Variants in LATS1 observed in about 807,000 individuals in gnomAD.
The protein encoded by LATS1 is large tumor suppressor kinase 1.
In LATS1, 25 loss-of-function variants were observed where a neutral mutation model predicts 106.6. That is an observed-to-expected ratio of 0.23 (90% confidence interval 0.17 to 0.33). LATS1 has a LOEUF of 0.33. Among genes scored for constraint, LATS1 ranks in the 10% least tolerant of loss-of-function variants. The pLI, the probability that LATS1 is intolerant of heterozygous loss-of-function variation, is 1.00. For synonymous variants in LATS1, 465 were observed against 455.6 expected (o/e 1.02, Z -0.26); for missense variants, 1,040 against 1,382.6 (o/e 0.75, Z 3.93).
chr6:149,661,355 A>G lies in LATS1; in HGVS notation c.*374T>C, dbSNP rs576061369. 1 of 239,014 alleles carries G rather than the reference A, an allele frequency of 4.2e-6. No individual in the cohort carries two copies. Among genetic ancestry groups the G allele is most frequent in the East Asian group, 6.1e-5 (1 of 16,504 alleles). 14.8% of individuals were successfully genotyped at this position (239,014 alleles called of 1,614,324 possible). A position where few individuals can be genotyped will look rare whatever the true frequency, so the allele number is the denominator to read the frequency against. On this transcript the variant is annotated 3_prime_UTR_variant, in exon 8 of 8. Transcript: ENST00000543571. ...TATTTGGTTAAAGCAAGATAAAACT[A>G]AAACTGTCTTTCAAAAAAATTTCAA...
chr6:149,692,572 C>G lies in LATS1; in HGVS notation c.496+2502G>C, dbSNP rs76346112. Among the ~76,000 whole-genome samples the G allele has an allele frequency of 5.1e-3, 775 of 152,210 alleles. 7 individuals are homozygous for G. The highest frequency in any genetic ancestry group is 7.5e-3 in the Non-Finnish European group (512 of 68,016). ...CTCCACAAAAGGGCAAGAACTTACC[C>G]AATGCAGAACAAAGAGCCTGAAACA... On this transcript the variant is annotated intron_variant, in intron 3 of 7. Coordinates refer to ENST00000543571, the MANE Select transcript of LATS1 (RefSeq NM_004690.4).
intron 1 of LATS1, among the ~76,000 whole-genome samples, chr6:149,717,052 G>A (rs1003862212): frequency 2.0e-5 from 3 of 152,144 alleles, no homozygotes; most frequent in Non-Finnish European, 4.4e-5. Context: ...CAAAACTGGA[G>A]TTATACAATA....
chr6:149,672,795 A>G (rs1318731187), intron 7 of LATS1, among the ~76,000 whole-genome samples: 1 of 151,848 alleles, frequency 6.6e-6, no homozygotes, highest in African/African-American at 2.4e-5. Flanking sequence ...AAAATACAAA[A>G]TTAACTGGGA....
chr6:149,702,479 G>T, intron 1 of LATS1: 3 of 171,046 alleles, frequency 1.8e-5, no homozygotes, highest in Non-Finnish European at 3.6e-5. Context: ...TAGCTATGAT[G>T]ATTTAAAAAA....
chr6:149,692,367 C>G (rs1261204430), intron 3 of LATS1, among the ~76,000 whole-genome samples: 1 of 152,114 alleles, frequency 6.6e-6, no homozygotes, highest in Non-Finnish European at 1.5e-5. Context: ...CTTCAGATAT[C>G]AGCTTTATTA....
At chr6:149,706,437 G>A (rs780616226) in intron 1 of LATS1, among the ~76,000 whole-genome samples, 120 of 151,864 alleles carry the variant, frequency 7.9e-4, no homozygotes, top group Non-Finnish European at 1.6e-3. Context: ...TTGAGCCCAG[G>A]AGGTAGAGGC....
chr6:149,666,623 CAAAA>C (rs60169424), intron 7 of LATS1, among the ~76,000 whole-genome samples: 1 of 127,700 alleles, frequency 7.8e-6, no homozygotes, highest in Admixed American at 8.3e-5. Flanking sequence ...GACTCTGTCT[CAAAA>C]AAAAAAAAAA....
chr6:149,677,653 G>C (rs188929064), intron 5 of LATS1, among the ~76,000 whole-genome samples: 12 of 152,256 alleles, frequency 7.9e-5, no homozygotes, highest in Non-Finnish European at 1.3e-4. Context: ...TCAGAGAAAG[G>C]CCATTTCTGG....
At chr6:149,686,427 G>A (rs942655932) in intron 3 of LATS1, among the ~76,000 whole-genome samples, 14 of 152,014 alleles carry the variant, frequency 9.2e-5, no homozygotes, top group African/African-American at 2.9e-4. Context: ...GTTGTTCTGC[G>A]CCTCCCACAG....
intron 1 of LATS1, among the ~76,000 whole-genome samples, chr6:149,714,096 G>A (rs996847999): frequency 1.3e-5 from 2 of 150,576 alleles, no homozygotes; most frequent in African/African-American, 2.4e-5. Context: ...CTCAGCCTCC[G>A]GAGTAGCTGG....
At chr6:149,679,485 G>T (rs1389584690) in intron 5 of LATS1, among the ~76,000 whole-genome samples, 1 of 149,956 alleles carries the variant, frequency 6.7e-6, no homozygotes, top group Non-Finnish European at 1.5e-5. Flanking sequence ...CCAGGAGGGG[G>T]ATATTGCAGT....
chr6:149,712,135 T>C (rs188853434), intron 1 of LATS1, among the ~76,000 whole-genome samples: 1 of 152,316 alleles, frequency 6.6e-6, no homozygotes, highest in Admixed American at 6.5e-5. Flanking sequence ...CCCAATTTCT[T>C]AGCAAAAGAA....
In LATS1 at chr6:149,660,232, C is replaced by T. The variant is rs1032065051; in HGVS notation, c.*1497G>A. 21 of 232,624 alleles carry T rather than the reference C, an allele frequency of 9.0e-5. No individual in the cohort carries two copies. Among genetic ancestry groups the T allele is most frequent in the Middle Eastern group, 1.2e-3 (1 of 806 alleles). 14.4% of individuals were successfully genotyped at this position (232,624 alleles called of 1,614,324 possible). A position where few individuals can be genotyped will look rare whatever the true frequency, so the allele number is the denominator to read the frequency against. On this transcript the variant is annotated 3_prime_UTR_variant, in exon 8 of 8. Transcript: ENST00000543571. ...AGAACCACTAACCCCAAAAGACGCA[C>T]GATAACACAGTAGTGGGTTTTCAGG...
intron 2 of LATS1, among the ~76,000 whole-genome samples, chr6:149,695,970 T>A (rs1340131532): frequency 6.6e-6 from 1 of 151,818 alleles, no homozygotes; most frequent in East Asian, 2.0e-4. Flanking sequence ...AATGGTGCGA[T>A]CTTGGCTCAC....
intron 7 of LATS1, among the ~76,000 whole-genome samples, chr6:149,669,648 C>A (rs952386452): frequency 1.3e-5 from 2 of 151,792 alleles, no homozygotes; most frequent in African/African-American, 2.4e-5. Context: ...GTAATCCAGG[C>A]TACTTGGGAG....
At chr6:149,713,412 A>G (rs1288139289) in intron 1 of LATS1, among the ~76,000 whole-genome samples, 1 of 151,290 alleles carries the variant, frequency 6.6e-6, no homozygotes, top group Admixed American at 6.6e-5. Flanking sequence ...CTTCTGCCTC[A>G]GCCTCCCAAG....
chr6:149,665,562 G>A (rs893787983), intron 7 of LATS1, among the ~76,000 whole-genome samples: 6 of 152,120 alleles, frequency 3.9e-5, no homozygotes, highest in African/African-American at 1.4e-4. Flanking sequence ...AAGTACTGGG[G>A]ACATCACAGA....
At position 149,683,604 on chromosome 6, in the gene LATS1, T is replaced by C. The variant is rs78667094; in HGVS notation, c.1485A>G (p.Gln495=). ...ATACACGCATACTTTTCACAGGCTG[T>C]TGAATAGGAGCTGGTGTAATTGCAG... The part of the protein sequence containing the change: ...TVTAITPAPI[Q]QPVKSMRVLK... Residue 495 remains glutamine, a synonymous_variant, in exon 4 of 8, where the codon CAA becomes CAG. Coordinates refer to ENST00000543571, the MANE Select transcript of LATS1 (RefSeq NM_004690.4). 2 of 1,614,232 alleles carry C rather than the reference T, an allele frequency of 1.2e-6. No homozygotes were observed. The highest frequency in any genetic ancestry group is 1.7e-6 in the Non-Finnish European group (2 of 1,180,048).
At chr6:149,706,498 A>AGACCC (rs956492918) in intron 1 of LATS1, among the ~76,000 whole-genome samples, 1 of 151,980 alleles carries the variant, frequency 6.6e-6, no homozygotes, top group African/African-American at 2.4e-5. Flanking sequence ...AGAGACAGTG[A>AGACCC]GACCCTGTCT....
Sources: allele counts gnomAD v4.1 joint callset (sites outside exome capture counted in the v4.1 genomes callset), GRCh38; gene constraint gnomAD v4.1.1; transcripts MANE v1.5; gene names NCBI Gene and HGNC (gene_info 2026-07-23, HGNC 2026-07-21).